RAB8B: variants seen among roughly 807,000 people sequenced by gnomAD.
RAB8B encodes ras-related protein Rab-8B.
A neutral mutation model predicts 32.0 loss-of-function variants in RAB8B; 11 were observed. The ratio of observed to expected loss-of-function variants is 0.34; its 90% CI spans 0.22 to 0.57. The LOEUF (loss-of-function observed/expected upper bound fraction) is 0.57, where lower values mean the gene tolerates loss of function less well. RAB8B is among the 20% of genes least tolerant of loss of function. The probability of loss-of-function intolerance (pLI) is 0.86; values close to 1 mark genes in which losing one functional copy is unlikely to be tolerated. For synonymous variants in RAB8B, 103 were observed against 89.6 expected, an observed-to-expected ratio of 1.15 and a Z score of -0.85; for missense variants, 190 against 258.5, an observed-to-expected ratio of 0.73 and a Z score of 1.82.
At chr15:63,235,143 A>G (rs529255627) in intron 1 of RAB8B, among the ~76,000 whole-genome samples, 2 of 4,556 alleles carry the variant, frequency 4.4e-4, no homozygotes, top group South Asian at 0.014. Context: ...AATTTCAGAG[A>G]TAAAATGTAC....
intron 1 of RAB8B, among the ~76,000 whole-genome samples, chr15:63,203,487 C>G (rs564760188): frequency 6.6e-6 from 1 of 152,314 alleles, no homozygotes; most frequent in South Asian, 2.1e-4. Flanking sequence ...AAAGCACACA[C>G]AAAAAGTGTG....
Position 63,264,897 on chromosome 15 carries a change from A to G in RAB8B, c.*1278A>G, listed in dbSNP as rs2038233230. The G allele has an allele frequency of 6.5e-6, 1 of 152,672 alleles. No homozygotes were observed. Among genetic ancestry groups the G allele is most frequent in the Non-Finnish European group, 1.5e-5 (1 of 68,038 alleles). 9.5% of individuals were successfully genotyped at this position (152,672 alleles called of 1,614,324 possible). ...GTTTTGGTTCATTGTTACAGAACTT[A>G]GTCCAGTCATTTGGGCTAAAGCCAA... On this transcript the variant is annotated 3_prime_UTR_variant, in exon 8 of 8. Transcript: ENST00000321437.
chr15:63,241,107 C>T (rs1466357880), intron 1 of RAB8B, among the ~76,000 whole-genome samples: 1 of 152,210 alleles, frequency 6.6e-6, no homozygotes, highest in Non-Finnish European at 1.5e-5. Context: ...CTTTGAGAGG[C>T]TAAGGCAGGT....
At chr15:63,261,518 TAAAA>T (rs924284696) in intron 6 of RAB8B, among the ~76,000 whole-genome samples, 2 of 152,018 alleles carry the variant, frequency 1.3e-5, no homozygotes, top group African/African-American at 4.8e-5. Flanking sequence ...TATTCAGCCA[TAAAA>T]AAAGAGTGAA....
chr15:63,244,631 C>T (rs905005851), intron 1 of RAB8B, 125 bp from the exon 2 acceptor site: 1 of 713,686 alleles, frequency 1.4e-6, no homozygotes, highest in South Asian at 1.7e-5. Flanking sequence ...CCATTCACAC[C>T]CTCTCTGTGT....
intron 1 of RAB8B, among the ~76,000 whole-genome samples, chr15:63,210,430 T>C (rs562483937): frequency 4.6e-4 from 70 of 152,224 alleles, no homozygotes; most frequent in Non-Finnish European, 8.4e-4. Flanking sequence ...CTACCTCTAC[T>C]CTCTCCCCTA....
chr15:63,206,353 A>G (rs571927877), intron 1 of RAB8B, among the ~76,000 whole-genome samples: 1 of 151,984 alleles, frequency 6.6e-6, no homozygotes, highest in Non-Finnish European at 1.5e-5. Flanking sequence ...TTGATAGCCC[A>G]TAGCAATCTC....
chr15:63,193,774 G>A (rs543930680), intron 1 of RAB8B, among the ~76,000 whole-genome samples: 1 of 152,180 alleles, frequency 6.6e-6, no homozygotes, highest in African/African-American at 2.4e-5. Context: ...TCGCGCCACT[G>A]CATTCCAGCC....
chr15:63,205,423 A>T (rs537974328), intron 1 of RAB8B, among the ~76,000 whole-genome samples: 2 of 152,216 alleles, frequency 1.3e-5, no homozygotes, highest in African/African-American at 4.8e-5. Flanking sequence ...ACTTGAGCCC[A>T]GGAGGTTGAG....
Position 63,267,445 on chromosome 15 carries a change from AT to A in RAB8B, c.*3830del, listed in dbSNP as rs1567023734. On this transcript the variant is annotated 3_prime_UTR_variant, in exon 8 of 8. Coordinates refer to ENST00000321437, the MANE Select transcript of RAB8B (RefSeq NM_016530.3). ...TTTTATGGCCTTACAGATGGCTTTT[AT>A]TTTGTTTGCAGCTGACACTGCAGTT... 6.6e-6 allele frequency: 1 copy of A among 152,306 alleles called. No individual in the cohort carries two copies. The highest frequency in any genetic ancestry group is 1.5e-5 in the Non-Finnish European group (1 of 68,006). The allele number at this position is 152,306 out of a possible 1,614,324, so 9.4% of individuals were successfully genotyped here. A position where few individuals can be genotyped will look rare whatever the true frequency, so the allele number is the denominator to read the frequency against.
chr15:63,204,746 G>A (rs966201926), intron 1 of RAB8B, among the ~76,000 whole-genome samples: 4 of 152,176 alleles, frequency 2.6e-5, no homozygotes, highest in Non-Finnish European at 5.9e-5. Flanking sequence ...TACTTTTACA[G>A]TATCAATACA....
intron 1 of RAB8B, among the ~76,000 whole-genome samples, chr15:63,235,874 AAGGC>A (rs1336797491): frequency 6.6e-6 from 1 of 152,024 alleles, no homozygotes; most frequent in African/African-American, 2.4e-5. Flanking sequence ...CTTGTATACC[AAGGC>A]ATTCTCCAGT....
intron 1 of RAB8B, among the ~76,000 whole-genome samples, chr15:63,233,293 G>A (rs917774859): frequency 6.6e-6 from 1 of 151,618 alleles, no homozygotes; most frequent in Non-Finnish European, 1.5e-5. Context: ...CCAACTCCTG[G>A]CCTCAAGTGA....
chr15:63,213,536 A>T (rs1410562836), intron 1 of RAB8B, among the ~76,000 whole-genome samples: 1 of 152,184 alleles, frequency 6.6e-6, no homozygotes, highest in Non-Finnish European at 1.5e-5. Context: ...ACTATAGATG[A>T]TACCACTTTC....
At chr15:63,195,242 C>T (rs148249218) in intron 1 of RAB8B, among the ~76,000 whole-genome samples, 389 of 152,272 alleles carry the variant, frequency 2.6e-3, no homozygotes, top group Middle Eastern at 0.01. Flanking sequence ...GCATTGATAA[C>T]GACTCTGGTT....
At chr15:63,258,109 T>G (rs1193596347) in intron 5 of RAB8B, among the ~76,000 whole-genome samples, 1 of 151,712 alleles carries the variant, frequency 6.6e-6, no homozygotes, top group Admixed American at 6.6e-5. Flanking sequence ...AGTTTTTTTT[T>G]TTTTTATTTG....
chr15:63,249,505 C>A, intron 2 of RAB8B, 140 bp from the exon 3 acceptor site: 1 of 690,048 alleles, frequency 1.4e-6, no homozygotes, highest in Non-Finnish European at 2.4e-6. Flanking sequence ...GTGCAAAGGG[C>A]TCCCTCTGTG....
chr15:63,244,151 A>G (rs371286247), intron 1 of RAB8B, among the ~76,000 whole-genome samples: 56 of 152,332 alleles, frequency 3.7e-4, no homozygotes, highest in African/African-American at 1.1e-3. Flanking sequence ...GTACCAGGCA[A>G]TTCTAGAGTA....
At chr15:63,224,988 C>T (rs1044704503) in intron 1 of RAB8B, among the ~76,000 whole-genome samples, 1 of 152,198 alleles carries the variant, frequency 6.6e-6, no homozygotes, top group Admixed American at 6.5e-5. Context: ...GTTACTTAAC[C>T]TCTTAGAGCA....
Sources: gnomAD v4.1 joint callset for allele counts (sites outside exome capture counted in the v4.1 genomes callset) on GRCh38, gnomAD v4.1.1 for gene constraint, MANE v1.5 for transcripts, NCBI Gene and HGNC (gene_info 2026-07-23, HGNC 2026-07-21) for gene names.